The following REPS2 variants were observed in gnomAD, a reference collection of about 807,000 sequenced individuals.
The protein encoded by REPS2 is RALBP1 associated Eps domain containing 2.
REPS2 carries 23 observed loss-of-function variants against 53.6 expected under a neutral mutation model. That is an observed-to-expected ratio of 0.43 (90% confidence interval 0.31 to 0.61). The LOEUF (loss-of-function observed/expected upper bound fraction) is 0.61. REPS2 is among the 20% of genes least tolerant of loss of function. The pLI is 0.11. For synonymous variants in REPS2, 238 were observed against 218.6 expected, an observed-to-expected ratio of 1.09 and a Z score of -0.78; for missense variants, 446 against 534.9, an observed-to-expected ratio of 0.83 and a Z score of 1.64.
intron 1 of REPS2, among the ~76,000 whole-genome samples, chrX:16,964,811 A>C: frequency 1.4e-5 from 1 of 71,779 alleles, no homozygotes; most frequent in South Asian, 1.0e-3. Context: ...TCCCTCCCGG[A>C]CGGGGCGGCT....
In REPS2 at chrX:16,965,344, G is replaced by A. The variant is rs1602526868; in HGVS notation, c.273+18210G>A. Reference sequence around the variant, plus strand: ...CCCCCCCACCTCCCTCCCGGACGGGGCGGCTGGCCGGGCGGGGGGCTGACC... The same window carrying A: ...CCCCCCCACCTCCCTCCCGGACGGGACGGCTGGCCGGGCGGGGGGCTGACC... On this transcript the variant is annotated intron_variant, in intron 1 of 17. Coordinates refer to ENST00000357277, the MANE Select transcript of REPS2 (RefSeq NM_004726.3). Among the ~76,000 whole-genome samples, 10 of 113,644 alleles carry A rather than the reference G, an allele frequency of 8.8e-5. No individual in the cohort carries two copies. In the South Asian group the frequency reaches 3.5e-3, roughly 39 times the overall value.
At position 17,152,228 on chromosome X, in the gene REPS2, T is replaced by C. The variant is rs2063576131; in HGVS notation, c.*4747T>C. The C allele has an allele frequency of 8.9e-6, 1 of 112,114 alleles. No individual in the cohort carries two copies. The highest frequency in any genetic ancestry group is 9.5e-5 in the Admixed American group (1 of 10,567). 9.2% of individuals were successfully genotyped at this position (112,114 alleles called of 1,213,427 possible). A position where few individuals can be genotyped will look rare whatever the true frequency, so the allele number is the denominator to read the frequency against. On this transcript the variant is annotated 3_prime_UTR_variant, in exon 18 of 18. Transcript: ENST00000357277. ...GTGTTACATGCATGCCCTAAAGCAG[T>C]CAGTCTGTTAGTATGAGCAAGACAT... is the stretch of plus-strand genomic sequence containing the variant.
At chrX:16,990,140 G>T (rs1453082005) in intron 1 of REPS2, among the ~76,000 whole-genome samples, 1 of 112,129 alleles carries the variant, frequency 8.9e-6, no homozygotes, top group East Asian at 2.8e-4. Context: ...CAATGATCTG[G>T]ATGGATCTCC....
intron 1 of REPS2, among the ~76,000 whole-genome samples, chrX:16,952,373 C>T (rs1333454611): frequency 9.0e-6 from 1 of 111,473 alleles, no homozygotes; most frequent in South Asian, 3.7e-4. Flanking sequence ...TGATGGTTTC[C>T]GGCTTCATCC....
chrX:16,958,735 A>G (rs780104908), intron 1 of REPS2, among the ~76,000 whole-genome samples: 1 of 112,069 alleles, frequency 8.9e-6, no homozygotes, highest in Non-Finnish European at 1.9e-5. Flanking sequence ...TTCTAACCCA[A>G]CTAGAAGCCA....
At chrX:17,003,170 T>C (rs1339747608) in intron 1 of REPS2, among the ~76,000 whole-genome samples, 1 of 111,753 alleles carries the variant, frequency 8.9e-6, no homozygotes, top group Non-Finnish European at 1.9e-5. Context: ...GAGATAATTA[T>C]CAAAATACCA....
intron 14 of REPS2, among the ~76,000 whole-genome samples, chrX:17,125,520 G>A (rs775017905): frequency 8.9e-6 from 1 of 112,423 alleles, no homozygotes; most frequent in East Asian, 2.8e-4. Context: ...GATGAGGGAA[G>A]TCTGGAATAG....
At chrX:17,039,649 G>A (rs2061806959) in intron 5 of REPS2, among the ~76,000 whole-genome samples, 1 of 112,239 alleles carries the variant, frequency 8.9e-6, no homozygotes, top group Admixed American at 9.4e-5. Flanking sequence ...ATTTTTACAG[G>A]ATGGATGAAC....
the REPS2 span, among the ~76,000 whole-genome samples, chrX:17,175,757 G>A: frequency 1.8e-5 from 2 of 112,489 alleles, no homozygotes; most frequent in South Asian, 3.7e-4. Context: ...CTGGCCGTGT[G>A]AGAATGAAGG....
chrX:16,981,276 T>C (rs2061016534), intron 1 of REPS2, among the ~76,000 whole-genome samples: 1 of 111,731 alleles, frequency 9.0e-6, no homozygotes, highest in African/African-American at 3.3e-5. Context: ...CTTATCCTGG[T>C]GGGGACTGAT....
intron 1 of REPS2, among the ~76,000 whole-genome samples, chrX:16,982,359 C>CAT (rs1407142080): frequency 1.8e-5 from 2 of 111,643 alleles, no homozygotes; most frequent in African/African-American, 6.5e-5. Context: ...GGAGTGGAAT[C>CAT]ATATATATAT....
chrX:17,168,218 A>G, the REPS2 span, among the ~76,000 whole-genome samples: 4 of 111,782 alleles, frequency 3.6e-5, no homozygotes, highest in African/African-American at 1.3e-4. Flanking sequence ...GTAACTCTCA[A>G]CCAATAGAAG....
chrX:17,002,460 A>G (rs1236794657), intron 1 of REPS2, among the ~76,000 whole-genome samples: 1 of 111,497 alleles, frequency 9.0e-6, no homozygotes, highest in Non-Finnish European at 1.9e-5. Context: ...TATAATGCCT[A>G]ATGTTGGGTA....
At chrX:17,103,643 A>C in intron 13 of REPS2, 75 bp from the exon 14 acceptor site, 1 of 992,671 alleles carries the variant, frequency 1.0e-6, no homozygotes, top group Non-Finnish European at 1.4e-6. Context: ...TGCCATTCCA[A>C]GTTAACAAGC....
chrX:17,069,918 T>G, intron 10 of REPS2, 22 bp from the exon 11 acceptor site: 1 of 1,039,832 alleles, frequency 9.6e-7, no homozygotes. Context: ...TTCTTTTTGC[T>G]TAAAAAACAA....
At chrX:17,086,986 A>G (rs2062545826) in intron 13 of REPS2, among the ~76,000 whole-genome samples, 1 of 112,254 alleles carries the variant, frequency 8.9e-6, no homozygotes, top group Non-Finnish European at 1.9e-5. Context: ...TGTGATTGTT[A>G]GAAGGGTTTA....
chrX:17,149,081 C>T lies in REPS2; in HGVS notation c.*1600C>T, dbSNP rs12557633. On this transcript the variant is annotated 3_prime_UTR_variant, in exon 18 of 18. Transcript: ENST00000357277. ...GAAAAACAAATTGTTGAATCTATTC[C>T]GTGCATATTTAAGGATTTTGAATTG... is the stretch of plus-strand genomic sequence containing the variant. 34,485 of 303,839 alleles carry T rather than the reference C, an allele frequency of 0.11. 1,380 individuals are homozygous for T. The highest frequency in any genetic ancestry group is 0.19 in the East Asian group (2,246 of 11,613). The allele number at this position is 303,839 out of a possible 1,213,427, so 25.0% of individuals were successfully genotyped here.
chrX:17,124,352 C>T (rs907879353), intron 14 of REPS2, among the ~76,000 whole-genome samples: 10 of 112,249 alleles, frequency 8.9e-5, no homozygotes, highest in African/African-American at 2.9e-4. Context: ...ATCCTGCCCT[C>T]CAGGTGCTTA....
intron 1 of REPS2, among the ~76,000 whole-genome samples, chrX:16,984,194 C>T (rs1356106087): frequency 8.9e-6 from 1 of 112,084 alleles, no homozygotes; most frequent in Non-Finnish European, 1.9e-5. Context: ...CTGCAGCGAT[C>T]TGAAGACCTG....
Sources: allele counts gnomAD v4.1 joint callset (sites outside exome capture counted in the v4.1 genomes callset), GRCh38; gene constraint gnomAD v4.1.1; transcripts MANE v1.5; gene names NCBI Gene and HGNC (gene_info 2026-07-23, HGNC 2026-07-21).